The following ODF2L variants were observed in gnomAD, a reference collection of about 807,000 sequenced individuals.
The protein encoded by ODF2L is protein BCAP.
ODF2L carries 76 observed loss-of-function variants against 86.3 expected under a neutral mutation model. The observed-to-expected ratio is 0.88, with a 90% CI of 0.73 to 1.07. The LOEUF (loss-of-function observed/expected upper bound fraction) is 1.07. Among genes scored for constraint, ODF2L ranks in the 50% least tolerant of loss-of-function variants. The pLI is 0.00. For synonymous variants in ODF2L, 241 were observed against 231.3 expected (o/e 1.04, Z -0.38); for missense variants, 748 against 717.4 (o/e 1.04, Z -0.49).
chr1:86,360,506 C>A, exon 12 of ODF2L: 1 of 1,595,476 alleles, frequency 6.3e-7, no homozygotes, highest in Non-Finnish European at 8.6e-7. Context: ...TCAACAGATA[C>A]AACTTCATCC....
intron 7 of ODF2L, 84 bp from the exon 8 acceptor site, chr1:86,376,502 A>G: frequency 1.2e-6 from 1 of 834,790 alleles, no homozygotes; most frequent in South Asian, 1.8e-5. Context: ...CATAACTGAT[A>G]TGGTTTGTGT....
intron 8 of ODF2L, among the ~76,000 whole-genome samples, chr1:86,374,638 T>C (rs919947040): frequency 6.6e-6 from 1 of 152,144 alleles, no homozygotes. Flanking sequence ...CATTTCTCCT[T>C]TCATCTCTCC....
chr1:86,390,120 T>C (rs1040665969), intron 1 of ODF2L, among the ~76,000 whole-genome samples: 5 of 152,040 alleles, frequency 3.3e-5, no homozygotes, highest in African/African-American at 7.2e-5. Flanking sequence ...CTGATGAACA[T>C]AGATGCAAGA....
exon 2 of ODF2L, chr1:86,387,049 A>G: frequency 8.1e-7 from 1 of 1,230,758 alleles, no homozygotes; most frequent in Non-Finnish European, 1.1e-6. Context: ...ATGGATTTAT[A>G]GGTGGCTTCA....
intron 10 of ODF2L, among the ~76,000 whole-genome samples, chr1:86,369,085 A>T (rs147839591): frequency 5.9e-5 from 9 of 152,238 alleles, no homozygotes; most frequent in Admixed American, 5.2e-4. Flanking sequence ...ATGAGTATAT[A>T]TTCTTCACTC....
intron 16 of ODF2L, 105 bp downstream of exon 15, chr1:86,354,425 A>G (rs1658377921): frequency 1.4e-6 from 1 of 706,874 alleles, no homozygotes; most frequent in African/African-American, 1.8e-5. Flanking sequence ...TGCTCCCTTC[A>G]CCCTGTCATC....
chr1:86,377,301 G>C (rs1317260708), intron 7 of ODF2L, among the ~76,000 whole-genome samples: 1 of 152,148 alleles, frequency 6.6e-6, no homozygotes. Context: ...CAGCCTTATG[G>C]CCTGCAGGGT....
exon 18 of ODF2L, chr1:86,352,199 T>A: frequency 1.3e-6 from 2 of 1,515,142 alleles, no homozygotes; most frequent in Middle Eastern, 3.4e-4. Context: ...TTTCATGGAG[T>A]CTCTGGATCC....
intron 7 of ODF2L, among the ~76,000 whole-genome samples, chr1:86,380,628 T>C (rs574926348): frequency 1.7e-4 from 26 of 152,298 alleles, no homozygotes; most frequent in Non-Finnish European, 3.5e-4. Context: ...TGACAAATTA[T>C]TTTTATAATT....
At chr1:86,365,401 G>A (rs1659334074) in intron 11 of ODF2L, among the ~76,000 whole-genome samples, 1 of 152,062 alleles carries the variant, frequency 6.6e-6, no homozygotes, top group Admixed American at 6.6e-5. Context: ...CCCTGGCCCT[G>A]GTATGGATGG....
intron 11 of ODF2L, among the ~76,000 whole-genome samples, chr1:86,364,072 A>C (rs1659229081): frequency 6.6e-6 from 1 of 152,010 alleles, no homozygotes; most frequent in South Asian, 2.1e-4. Flanking sequence ...TTAACTATTA[A>C]TAGAATATGC....
intron 10 of ODF2L, 54 bp downstream of exon 10, chr1:86,370,964 G>A: frequency 8.4e-7 from 1 of 1,187,590 alleles, no homozygotes; most frequent in South Asian, 2.4e-5. Flanking sequence ...TTTCTACTAA[G>A]TAGACTATGG....
chr1:86,366,012 C>T (rs1037751266), intron 11 of ODF2L, among the ~76,000 whole-genome samples: 9 of 152,082 alleles, frequency 5.9e-5, no homozygotes, highest in African/African-American at 1.4e-4. Context: ...ACGGTGCTGG[C>T]GACCCAGAGC....
At position 86,387,047 on chromosome 1, in the gene ODF2L, AT is replaced by A; in HGVS notation, c.-21del. 1 of 1,280,106 alleles carries A rather than the reference AT, an allele frequency of 7.8e-7. No homozygotes were observed. The highest frequency in any genetic ancestry group is 1.1e-6 in the Non-Finnish European group (1 of 915,500). The allele number at this position is 1,280,106 out of a possible 1,614,324, so 79.3% of individuals were successfully genotyped here. A position where few individuals can be genotyped will look rare whatever the true frequency, so the allele number is the denominator to read the frequency against. On this transcript the variant is annotated 5_prime_UTR_variant, in exon 2 of 18. An upstream open reading frame in the 5' UTR loses its in-frame stop. Coordinates refer to ENST00000317336, the Ensembl canonical transcript of ODF2L. ...CTCCATAAATTCAGTAAATGGATTT[AT>A]AGGTGGCTTCACAGCGACTTCTCCA...
intron 1 of ODF2L, among the ~76,000 whole-genome samples, chr1:86,392,698 C>T (rs1209619472): frequency 9.2e-5 from 14 of 151,966 alleles, no homozygotes; most frequent in Non-Finnish European, 2.9e-5. Context: ...AAAAGACTAC[C>T]AATTGGAATT....
intron 17 of ODF2L, 82 bp downstream of exon 16, chr1:86,352,777 G>C (rs1045726151): frequency 1.2e-6 from 1 of 814,318 alleles, no homozygotes; most frequent in African/African-American, 1.8e-5. Flanking sequence ...CAATAGACTT[G>C]ATTCACTCAC....
intron 13 of ODF2L, chr1:86,357,778 C>T (rs2100800312): frequency 1.0e-6 from 1 of 979,300 alleles, no homozygotes; most frequent in South Asian, 4.7e-5. Flanking sequence ...TTGTTAAATA[C>T]TAGTTAGAAA....
chr1:86,393,932 G>C (rs916033381), intron 1 of ODF2L, among the ~76,000 whole-genome samples: 1 of 152,098 alleles, frequency 6.6e-6, no homozygotes, highest in Non-Finnish European at 1.5e-5. Flanking sequence ...TCCATATAGA[G>C]CCCAATTACC....
At chr1:86,385,732 A>AGT (rs1254703939) in intron 2 of ODF2L, 142 bp from the exon 3 acceptor site, 15 of 532,752 alleles carry the variant, frequency 2.8e-5, no homozygotes, top group Non-Finnish European at 4.6e-5. Flanking sequence ...TTGGACTTTG[A>AGT]GTGTAAGCAA....
Sources: allele counts gnomAD v4.1 joint callset (sites outside exome capture counted in the v4.1 genomes callset), GRCh38; gene constraint gnomAD v4.1.1; transcripts MANE v1.5; gene names NCBI Gene and HGNC (gene_info 2026-07-23, HGNC 2026-07-21).